The following QTMAN variants were observed in gnomAD, a reference collection of about 807,000 sequenced individuals.
QTMAN encodes queuosine-tRNA mannosyltransferase.
At chr2:143,972,740 A>G in the QTMAN span, among the ~76,000 whole-genome samples, 585 of 152,298 alleles carry the variant, frequency 3.8e-3, 3 homozygotes, top group Middle Eastern at 6.8e-3. Context: ...TTTAAACTGT[A>G]ATATATGGCC....
At chr2:144,163,546 CCTTT>C in the QTMAN span, among the ~76,000 whole-genome samples, 1 of 151,928 alleles carries the variant, frequency 6.6e-6, no homozygotes, top group African/African-American at 2.4e-5. Flanking sequence ...TATAAAAATC[CCTTT>C]ATTTGTAAAT....
chr2:143,958,764 A>G, the QTMAN span, among the ~76,000 whole-genome samples: 4 of 136,092 alleles, frequency 2.9e-5, no homozygotes, highest in African/African-American at 1.1e-4. Context: ...AGTTTGGGTG[A>G]TTTTTATTTC....
At chr2:144,005,022 T>G in the QTMAN span, among the ~76,000 whole-genome samples, 2 of 152,038 alleles carry the variant, frequency 1.3e-5, no homozygotes, top group African/African-American at 4.8e-5. Context: ...GTTTGATATT[T>G]TTTTTATGCT....
chr2:144,258,873 T>C, the QTMAN span, among the ~76,000 whole-genome samples: 102 of 152,338 alleles, frequency 6.7e-4, no homozygotes, highest in African/African-American at 2.3e-3. Context: ...GAATGGTTTT[T>C]ACAGAAAGTA....
the QTMAN span, among the ~76,000 whole-genome samples, chr2:144,069,885 C>CAT: frequency 6.6e-6 from 1 of 151,884 alleles, no homozygotes; most frequent in Non-Finnish European, 1.5e-5. Context: ...AAGATATATT[C>CAT]ATATATATTT....
chr2:144,176,158 C>T, the QTMAN span, among the ~76,000 whole-genome samples: 1 of 151,978 alleles, frequency 6.6e-6, no homozygotes, highest in African/African-American at 2.4e-5. Flanking sequence ...CAGAGTAAGA[C>T]ATCATAAACA....
chr2:144,255,918 T>C, the QTMAN span, among the ~76,000 whole-genome samples: 74 of 152,082 alleles, frequency 4.9e-4, no homozygotes, highest in South Asian at 0.015. Context: ...GTGGGGGAGG[T>C]TGATGGTTGG....
At chr2:144,151,445 T>C in the QTMAN span, among the ~76,000 whole-genome samples, 1 of 152,072 alleles carries the variant, frequency 6.6e-6, no homozygotes, top group Non-Finnish European at 1.5e-5. Context: ...CTGACTACCA[T>C]ATGGAAAGCA....
At chr2:144,239,321 TAA>T in the QTMAN span, among the ~76,000 whole-genome samples, 1 of 152,234 alleles carries the variant, frequency 6.6e-6, no homozygotes, top group Non-Finnish European at 1.5e-5. Context: ...TATAACCTCT[TAA>T]AACTAACTTC....
the QTMAN span, among the ~76,000 whole-genome samples, chr2:144,209,744 A>G: frequency 6.6e-6 from 1 of 152,220 alleles, no homozygotes; most frequent in African/African-American, 2.4e-5. Context: ...TATTTCCTGT[A>G]AGACATAGGG....
chr2:144,093,734 T>G, the QTMAN span, among the ~76,000 whole-genome samples: 3 of 152,212 alleles, frequency 2.0e-5, no homozygotes, highest in Non-Finnish European at 2.9e-5. Context: ...GTTGTTATCA[T>G]GGATGAAGAA....
At chr2:144,192,022 T>C in the QTMAN span, among the ~76,000 whole-genome samples, 37 of 152,220 alleles carry the variant, frequency 2.4e-4, no homozygotes, top group African/African-American at 8.9e-4. Context: ...ATACTTGAAG[T>C]AAAGGGTGAA....
chr2:144,046,194 T>C, the QTMAN span, among the ~76,000 whole-genome samples: 1 of 152,098 alleles, frequency 6.6e-6, no homozygotes, highest in African/African-American at 2.4e-5. Context: ...ATGAATAGAT[T>C]TGATATTGAA....
chr2:144,272,594 T>G, the QTMAN span, among the ~76,000 whole-genome samples: 1 of 152,252 alleles, frequency 6.6e-6, no homozygotes, highest in Admixed American at 6.5e-5. Flanking sequence ...GAATCATACC[T>G]AAGAGACAGT....
At chr2:144,313,950 G>A in the QTMAN span, among the ~76,000 whole-genome samples, 1 of 151,304 alleles carries the variant, frequency 6.6e-6, no homozygotes, top group African/African-American at 2.4e-5. Flanking sequence ...GTAGAAATGG[G>A]TATAACCATT....
At chr2:144,153,986 A>G in the QTMAN span, among the ~76,000 whole-genome samples, 1 of 152,172 alleles carries the variant, frequency 6.6e-6, no homozygotes, top group African/African-American at 2.4e-5. Flanking sequence ...ATGAGTTTCA[A>G]ATTCAAGTTG....
chr2:144,238,729 C>T, the QTMAN span, among the ~76,000 whole-genome samples: 2 of 152,248 alleles, frequency 1.3e-5, no homozygotes, highest in African/African-American at 4.8e-5. Flanking sequence ...TCCAACCCTA[C>T]CAACTATCCC....
the QTMAN span, among the ~76,000 whole-genome samples, chr2:144,251,696 C>A: frequency 6.6e-6 from 1 of 151,850 alleles, no homozygotes; most frequent in Non-Finnish European, 1.5e-5. Flanking sequence ...ACACCAAAAA[C>A]ATGATCCATG....
At chr2:144,137,687 C>T in the QTMAN span, among the ~76,000 whole-genome samples, 4 of 152,010 alleles carry the variant, frequency 2.6e-5, no homozygotes, top group East Asian at 3.9e-4. Flanking sequence ...TGGGCCTTGG[C>T]GCCTTTATCC....
Sources: allele counts gnomAD v4.1 joint callset (sites outside exome capture counted in the v4.1 genomes callset), GRCh38; gene constraint gnomAD v4.1.1; transcripts MANE v1.5; gene names NCBI Gene and HGNC (gene_info 2026-07-23, HGNC 2026-07-21).